DIAPH2: variants seen among roughly 807,000 people sequenced by gnomAD.
The protein encoded by DIAPH2 is diaphanous related formin 2.
Under a neutral mutation model 92.7 loss-of-function variants are expected in DIAPH2, and 35 were observed. The observed-to-expected ratio is 0.38, with a 90% CI of 0.29 to 0.50. The LOEUF is 0.50. DIAPH2 is among the 20% of genes least tolerant of loss of function. DIAPH2 has a pLI of 0.94. For missense variants in DIAPH2, 701 were observed against 819.5 expected, an observed-to-expected ratio of 0.86 and a Z score of 1.77; for synonymous variants, 301 against 280.4, an observed-to-expected ratio of 1.07 and a Z score of -0.73.
At chrX:96,895,134 G>C (rs5921823) in intron 5 of DIAPH2, among the ~76,000 whole-genome samples, 1 of 109,752 alleles carries the variant, frequency 9.1e-6, no homozygotes, top group African/African-American at 3.3e-5. Context: ...CTTCCAAGTA[G>C]ATGGGATTAC....
chrX:96,978,654 A>C (rs1035520017), intron 17 of DIAPH2, among the ~76,000 whole-genome samples: 1 of 110,615 alleles, frequency 9.0e-6, no homozygotes, highest in African/African-American at 3.3e-5. Flanking sequence ...TTAATTATTA[A>C]TTATTAATAA....
chrX:96,817,431 T>A (rs936843395), intron 4 of DIAPH2, among the ~76,000 whole-genome samples: 3 of 111,379 alleles, frequency 2.7e-5, no homozygotes, highest in Admixed American at 9.5e-5. Flanking sequence ...AAAGATGGCT[T>A]AATTATTGTG....
At chrX:96,696,273 A>C (rs1236930128) in intron 1 of DIAPH2, among the ~76,000 whole-genome samples, 9 of 111,945 alleles carry the variant, frequency 8.0e-5, no homozygotes, top group Non-Finnish European at 1.3e-4. Flanking sequence ...TTTTAAAAAA[A>C]GATCCTGTAG....
intron 22 of DIAPH2, among the ~76,000 whole-genome samples, chrX:97,226,434 C>T (rs1354473024): frequency 1.8e-5 from 2 of 110,905 alleles, no homozygotes; most frequent in Non-Finnish European, 3.8e-5. Flanking sequence ...GGTGCAATGG[C>T]GCGATCTCGG....
intron 26 of DIAPH2, among the ~76,000 whole-genome samples, chrX:97,593,880 C>A (rs1449526354): frequency 2.7e-5 from 3 of 110,984 alleles, no homozygotes; most frequent in African/African-American, 6.5e-5. Flanking sequence ...TGAATAAATG[C>A]AAAAAGAATG....
intron 20 of DIAPH2, among the ~76,000 whole-genome samples, chrX:97,110,199 C>G (rs1454236476): frequency 1.8e-5 from 2 of 111,508 alleles, no homozygotes; most frequent in African/African-American, 3.3e-5. Flanking sequence ...GTGCTAGGTG[C>G]TCCACAAGAT....
At chrX:96,764,566 A>T (rs2064289790) in intron 4 of DIAPH2, among the ~76,000 whole-genome samples, 1 of 111,666 alleles carries the variant, frequency 9.0e-6, no homozygotes, top group Non-Finnish European at 1.9e-5. Flanking sequence ...AATAAATTCG[A>T]TAGGTGGATA....
At chrX:97,547,174 T>C (rs1367867192) in intron 26 of DIAPH2, among the ~76,000 whole-genome samples, 3 of 111,480 alleles carry the variant, frequency 2.7e-5, no homozygotes, top group Non-Finnish European at 3.8e-5. Flanking sequence ...TGAAGGCCCA[T>C]TGATGCCTCA....
intron 22 of DIAPH2, among the ~76,000 whole-genome samples, chrX:97,182,863 TAGA>T (rs2067551095): frequency 9.0e-6 from 1 of 111,056 alleles, no homozygotes. Flanking sequence ...GTACTAGAAT[TAGA>T]AGAAGGGTGG....
intron 26 of DIAPH2, among the ~76,000 whole-genome samples, chrX:97,574,736 A>G (rs755602591): frequency 1.4e-4 from 16 of 112,493 alleles, no homozygotes; most frequent in Non-Finnish European, 2.3e-4. Context: ...TAGTCATGAT[A>G]GGCCATGTAT....
intron 22 of DIAPH2, among the ~76,000 whole-genome samples, chrX:97,168,954 A>G (rs1279285414): frequency 8.9e-6 from 1 of 111,984 alleles, no homozygotes; most frequent in African/African-American, 3.3e-5. Flanking sequence ...AAAATTCACA[A>G]ATTGATTAGA....
At chrX:97,012,948 C>G (rs2066237402) in intron 17 of DIAPH2, among the ~76,000 whole-genome samples, 1 of 111,906 alleles carries the variant, frequency 8.9e-6, no homozygotes, top group African/African-American at 3.2e-5. Context: ...CTTCACACCA[C>G]TTTTTATATT....
At chrX:97,193,144 C>T (rs2067670414) in intron 22 of DIAPH2, among the ~76,000 whole-genome samples, 1 of 107,168 alleles carries the variant, frequency 9.3e-6, no homozygotes, top group Admixed American at 1.0e-4. Flanking sequence ...TCCTTAGTAG[C>T]TGGGACCACA....
rs1344106500 is a variant in DIAPH2 at position 97,247,707 on chromosome X, T to C, written c.2720-8T>C. ...AATATTCTAAATCCTTTGCACACTG[T>C]TCTTTAGTTTCAGCTCAAATTCTCA... On this transcript the variant is annotated splice_region_variant and splice_polypyrimidine_tract_variant and intron_variant, in intron 22 of 26. Transcript: ENST00000324765. The C allele has an allele frequency of 8.3e-7, 1 of 1,200,579 alleles. No individual in the cohort carries two copies.
chrX:97,240,654 G>T (rs1345421719), intron 22 of DIAPH2, among the ~76,000 whole-genome samples: 2 of 109,721 alleles, frequency 1.8e-5, no homozygotes, highest in Non-Finnish European at 3.8e-5. Context: ...CCATAGTAGG[G>T]ATAGCAGGTT....
intron 26 of DIAPH2, among the ~76,000 whole-genome samples, chrX:97,465,330 T>C (rs1209624471): frequency 4.5e-5 from 5 of 111,380 alleles, no homozygotes; most frequent in African/African-American, 1.3e-4. Flanking sequence ...TGAATACAAT[T>C]GTCCTTTCAT....
chrX:97,365,273 C>T (rs1330405892), intron 24 of DIAPH2, among the ~76,000 whole-genome samples: 1 of 111,647 alleles, frequency 9.0e-6, no homozygotes, highest in Non-Finnish European at 1.9e-5. Flanking sequence ...TGTTTGTCCT[C>T]TCTCCTTCCC....
chrX:97,495,612 C>G (rs2070752721), intron 26 of DIAPH2, among the ~76,000 whole-genome samples: 1 of 111,340 alleles, frequency 9.0e-6, no homozygotes, highest in Non-Finnish European at 1.9e-5. Context: ...AAAAAATTCC[C>G]AAGACTATTA....
chrX:97,117,979 C>T (rs765600231), intron 21 of DIAPH2, among the ~76,000 whole-genome samples: 8 of 109,484 alleles, frequency 7.3e-5, no homozygotes, highest in Non-Finnish European at 1.1e-4. Context: ...TTTTTCAGTA[C>T]GAAATAGCAT....
Sources: allele counts gnomAD v4.1 joint callset (sites outside exome capture counted in the v4.1 genomes callset), GRCh38; gene constraint gnomAD v4.1.1; transcripts MANE v1.5; gene names NCBI Gene and HGNC (gene_info 2026-07-23, HGNC 2026-07-21).